Variants in VWC2L observed in about 807,000 individuals in gnomAD.
The protein encoded by VWC2L is von Willebrand factor C domain containing 2 like.
VWC2L carries 10 observed loss-of-function variants against 21.6 expected under a neutral mutation model. That is an observed-to-expected ratio of 0.46 (90% CI 0.29 to 0.78). The LOEUF (loss-of-function observed/expected upper bound fraction) is 0.78. Among genes scored for constraint, VWC2L ranks in the 30% least tolerant of loss-of-function variants. The pLI is 0.10. For missense variants in VWC2L, 209 were observed against 277.1 expected, an observed-to-expected ratio of 0.75 and a Z score of 1.74; for synonymous variants, 96 against 94.3, an observed-to-expected ratio of 1.02 and a Z score of -0.10.
intron 2 of VWC2L, chr2:214,414,815 T>TG: frequency 5.7e-6 from 3 of 530,224 alleles, no homozygotes; most frequent in Non-Finnish European, 9.8e-6. Flanking sequence ...CAGAAGTATT[T>TG]GGGGCATACC....
chr2:214,497,463 T>A (rs1688828494), intron 3 of VWC2L, among the ~76,000 whole-genome samples: 4 of 152,212 alleles, frequency 2.6e-5, no homozygotes, highest in African/African-American at 9.7e-5. Flanking sequence ...TGAGCCATGA[T>A]CCTTCTTCAT....
At chr2:214,432,518 C>T (rs1334670962) in intron 2 of VWC2L, among the ~76,000 whole-genome samples, 1 of 152,144 alleles carries the variant, frequency 6.6e-6, no homozygotes, top group African/African-American at 2.4e-5. Context: ...GCTTTTCATT[C>T]TTTCATTTTA....
At chr2:214,559,329 T>C (rs555409184) in intron 3 of VWC2L, among the ~76,000 whole-genome samples, 20 of 152,222 alleles carry the variant, frequency 1.3e-4, no homozygotes, top group Non-Finnish European at 2.8e-4. Context: ...AACTATAGTT[T>C]TTTAAAAACA....
intron 3 of VWC2L, among the ~76,000 whole-genome samples, chr2:214,508,253 C>T (rs1478568617): frequency 6.6e-6 from 1 of 152,130 alleles, no homozygotes; most frequent in Non-Finnish European, 1.5e-5. Flanking sequence ...GGATTACAGG[C>T]GTGCACCACC....
chr2:214,533,772 G>T (rs971849864), intron 3 of VWC2L, among the ~76,000 whole-genome samples: 2 of 152,046 alleles, frequency 1.3e-5, no homozygotes, highest in African/African-American at 4.8e-5. Flanking sequence ...TTTAGGAAAT[G>T]CTCACAACCT....
chr2:214,481,555 A>G (rs1401110149), intron 3 of VWC2L, among the ~76,000 whole-genome samples: 2 of 152,204 alleles, frequency 1.3e-5, no homozygotes, highest in East Asian at 3.8e-4. Flanking sequence ...ACTATGAGAA[A>G]GAACTAATCA....
chr2:214,431,552 G>T (rs1041958809), intron 2 of VWC2L, among the ~76,000 whole-genome samples: 3 of 152,104 alleles, frequency 2.0e-5, no homozygotes, highest in Admixed American at 2.0e-4. Context: ...ATCTATTTGC[G>T]TATCCGTCCC....
chr2:214,454,997 A>G (rs756476084), intron 3 of VWC2L, among the ~76,000 whole-genome samples: 1 of 152,094 alleles, frequency 6.6e-6, no homozygotes, highest in Admixed American at 6.6e-5. Flanking sequence ...AATTTTTTAA[A>G]AATTGGTCAT....
chr2:214,457,662 C>T (rs1163940009), intron 3 of VWC2L, among the ~76,000 whole-genome samples: 2 of 152,024 alleles, frequency 1.3e-5, no homozygotes, highest in African/African-American at 4.8e-5. Context: ...GAGACATGTT[C>T]CAAGCCCAGT....
rs2126178726 is a variant in VWC2L at position 214,436,686 on chromosome 2, G to T, written c.448G>T (p.Ala150Ser). ...CAGCAATGAAGTTCACTGTGTTGTA[G>T]CAGACTGCGCAGTTCCTGAGTGTGT... ...EPSNEVHCVV[A>S]DCAVPECVNP... Residue 150 changes from alanine to serine, a missense_variant, in exon 3 of 4, where the codon GCA becomes TCA. Physicochemically the swap from Ala to Ser is moderately conservative, Grantham distance 99. Transcript: ENST00000312504. The T allele has an allele frequency of 1.9e-6, 3 of 1,613,476 alleles. No individual in the cohort carries two copies. The highest frequency in any genetic ancestry group is 4.5e-5 in the East Asian group (2 of 44,876).
At chr2:214,442,488 C>T (rs899612680) in intron 3 of VWC2L, among the ~76,000 whole-genome samples, 1 of 151,990 alleles carries the variant, frequency 6.6e-6, no homozygotes, top group Non-Finnish European at 1.5e-5. Context: ...TTTATTTTTG[C>T]ATGTTGCATT....
At chr2:214,413,841 A>G (rs1349310636) in intron 1 of VWC2L, among the ~76,000 whole-genome samples, 1 of 152,150 alleles carries the variant, frequency 6.6e-6, no homozygotes, top group Non-Finnish European at 1.5e-5. Context: ...TTTCTTTGCA[A>G]TTTAGATAAA....
intron 3 of VWC2L, among the ~76,000 whole-genome samples, chr2:214,522,505 G>A (rs1206079662): frequency 6.6e-6 from 1 of 152,000 alleles, no homozygotes; most frequent in East Asian, 1.9e-4. Context: ...AGGAGACATT[G>A]GGGTACAGAA....
chr2:214,466,429 G>A (rs1334127605), intron 3 of VWC2L, among the ~76,000 whole-genome samples: 1 of 152,050 alleles, frequency 6.6e-6, no homozygotes, highest in African/African-American at 2.4e-5. Flanking sequence ...TGCTTTTGTG[G>A]AATATGTGTC....
At chr2:214,574,815 T>C (rs996898478) in intron 3 of VWC2L, among the ~76,000 whole-genome samples, 6 of 152,008 alleles carry the variant, frequency 3.9e-5, no homozygotes, top group African/African-American at 1.2e-4. Flanking sequence ...TGAACACTGA[T>C]ATTCCTACGT....
chr2:214,531,264 C>T (rs888769115), intron 3 of VWC2L, among the ~76,000 whole-genome samples: 3 of 152,128 alleles, frequency 2.0e-5, no homozygotes, highest in Non-Finnish European at 2.9e-5. Context: ...GACGAGTAAA[C>T]GCATTCTGAT....
chr2:214,433,655 G>T (rs1702635840), intron 2 of VWC2L, among the ~76,000 whole-genome samples: 1 of 152,166 alleles, frequency 6.6e-6, no homozygotes, highest in Admixed American at 6.6e-5. Flanking sequence ...TAAATGGGAA[G>T]GATTTTTAAA....
chr2:214,533,632 T>C (rs1689477951), intron 3 of VWC2L, among the ~76,000 whole-genome samples: 1 of 152,026 alleles, frequency 6.6e-6, no homozygotes, highest in South Asian at 2.1e-4. Flanking sequence ...GACACAGTTG[T>C]TATTCCTATT....
chr2:214,550,509 CTT>C (rs1689777021), intron 3 of VWC2L, among the ~76,000 whole-genome samples: 1 of 152,174 alleles, frequency 6.6e-6, no homozygotes, highest in South Asian at 2.1e-4. Flanking sequence ...CATATCATCT[CTT>C]TCTGCTTCCT....
Sources: allele counts gnomAD v4.1 joint callset (sites outside exome capture counted in the v4.1 genomes callset), GRCh38; gene constraint gnomAD v4.1.1; transcripts MANE v1.5; gene names NCBI Gene and HGNC (gene_info 2026-07-23, HGNC 2026-07-21).